AHR: variants seen among roughly 807,000 people sequenced by gnomAD.
AHR encodes aryl hydrocarbon receptor.
Under a neutral mutation model 86.8 loss-of-function variants are expected in AHR, and 40 were observed. The observed-to-expected ratio is 0.46, with a 90% CI of 0.36 to 0.60. The LOEUF (loss-of-function observed/expected upper bound fraction) is 0.60. Among genes scored for constraint, AHR ranks in the 20% least tolerant of loss-of-function variants. AHR has a pLI of 0.00. For missense variants in AHR, 1,001 were observed against 1,011.6 expected (o/e 0.99, Z 0.14); for synonymous variants, 398 against 354.9 (o/e 1.12, Z -1.37).
At chr7:17,305,124 C>T (rs547763400) in intron 1 of AHR, among the ~76,000 whole-genome samples, 1 of 152,238 alleles carries the variant, frequency 6.6e-6, no homozygotes, top group South Asian at 2.1e-4. Flanking sequence ...AGGGCAGCAG[C>T]AGGAGGGTGG....
chr7:17,331,851 A>G (rs1027545753), intron 6 of AHR, among the ~76,000 whole-genome samples: 1 of 152,010 alleles, frequency 6.6e-6, no homozygotes, highest in Admixed American at 6.6e-5. Flanking sequence ...CTTTTTGTGA[A>G]TAACAAGGAA....
At chr7:17,314,959 A>G (rs1279548557) in intron 2 of AHR, among the ~76,000 whole-genome samples, 1 of 152,044 alleles carries the variant, frequency 6.6e-6, no homozygotes, top group Non-Finnish European at 1.5e-5. Context: ...TATTTGTTGA[A>G]TTTGATTTAC....
At chr7:17,315,506 G>T (rs1466495501) in intron 2 of AHR, among the ~76,000 whole-genome samples, 1 of 151,836 alleles carries the variant, frequency 6.6e-6, no homozygotes, top group Non-Finnish European at 1.5e-5. Flanking sequence ...AGTCTTGCAT[G>T]GTTCTAGAAT....
chr7:17,300,125 C>G lies in AHR; in HGVS notation c.65+796C>G, dbSNP rs565853858. Reference sequence around the variant, plus strand: ...TTCTTTTCCCCTTCAAAGTTTTCTTCTAGTTGAGTGAGTACAAACTTGCTT... The same window carrying G: ...TTCTTTTCCCCTTCAAAGTTTTCTTGTAGTTGAGTGAGTACAAACTTGCTT... On this transcript the variant is annotated intron_variant, in intron 1 of 10. Transcript: ENST00000242057. Among the ~76,000 whole-genome samples, 4 of 152,204 alleles carry G rather than the reference C, an allele frequency of 2.6e-5. No individual in the cohort carries two copies. In the East Asian group the frequency reaches 7.7e-4, roughly 29 times the overall value.
rs1053648148 is a variant in AHR at position 17,343,896 on chromosome 7, T to C, written c.*832T>C. The stretch of plus-strand genomic sequence containing the variant: ...GTTGAAAAAATTTAAAAGTAAAATG[T>C]CTTTCCAAATTATTTCTTAATTATT... On this transcript the variant is annotated 3_prime_UTR_variant, in exon 11 of 11. Coordinates refer to ENST00000242057, the MANE Select transcript of AHR (RefSeq NM_001621.5). 8 of 152,562 alleles carry C rather than the reference T, an allele frequency of 5.2e-5. No homozygotes were observed. Among genetic ancestry groups the C allele is most frequent in the Non-Finnish European group, 1.0e-4 (7 of 67,990 alleles). 9.5% of individuals were successfully genotyped at this position (152,562 alleles called of 1,614,324 possible).
intron 6 of AHR, 147 bp downstream of exon 6, chr7:17,331,033 T>A: frequency 2.5e-6 from 2 of 790,518 alleles, no homozygotes; most frequent in Non-Finnish European, 3.8e-6. Context: ...AGAGCTCACT[T>A]AAAAACATGG....
intron 1 of AHR, 127 bp downstream of exon 1, chr7:17,299,456 T>A: frequency 3.7e-6 from 4 of 1,089,136 alleles, no homozygotes; most frequent in Non-Finnish European, 5.2e-6. Flanking sequence ...GCACTGCCCG[T>A]GGAATCGAGG....
chr7:17,318,465 CCTT>C (rs1395761085), intron 2 of AHR, among the ~76,000 whole-genome samples: 1 of 152,062 alleles, frequency 6.6e-6, no homozygotes, highest in Non-Finnish European at 1.5e-5. Flanking sequence ...TTGTACGACT[CCTT>C]CATAGATCTT....
Position 17,339,139 on chromosome 7 carries a change from A to C in AHR, c.1314A>C (p.Lys438Asn). The stretch of plus-strand genomic sequence containing the variant: ...GGACTAAAAATGGCACTAGTGGAAA[A>C]GACTCTGCTACCACATCCACTCTAA... ...PLRTKNGTSG[K>N]DSATTSTLSK... Residue 438 changes from lysine to asparagine, a missense_variant, in exon 10 of 11, where the codon AAA becomes AAC. Around this residue, in one of 2 missense-constraint regions of AHR, gnomAD observed 607 missense variants for 543.1 expected, o/e 1.12. Transcript: ENST00000242057. 6.8e-6 allele frequency: 11 copies of C among 1,614,184 alleles called. No individual in the cohort carries two copies. Among genetic ancestry groups the C allele is most frequent in the Non-Finnish European group, 9.3e-6 (11 of 1,180,030 alleles).
rs566325967 is a variant in AHR, at chr7:17,330,637, A to AT, written c.575-112dup. The AT allele has an allele frequency of 3.0e-4, 258 of 865,322 alleles. 4 individuals carry two copies. Among genetic ancestry groups the AT allele is most frequent in the Admixed American group, 2.8e-3 (84 of 29,734 alleles). The allele number at this position is 865,322 out of a possible 1,614,324, so 53.6% of individuals were successfully genotyped here. A position where few individuals can be genotyped will look rare whatever the true frequency, so the allele number is the denominator to read the frequency against. ...CTTGTCATTAGCTCTTTTGAAAATG[A>AT]TTTTTTTGTATTCAGAACACAGACT... On this transcript the variant is annotated intron_variant, in intron 5 of 10. Coordinates refer to ENST00000242057, the MANE Select transcript of AHR (RefSeq NM_001621.5).
In AHR at chr7:17,299,222, C is replaced by T. The variant is rs1020537775; in HGVS notation, c.-43C>T. On this transcript the variant is annotated 5_prime_UTR_variant, in exon 1 of 11. Transcript: ENST00000242057. Reference sequence around the variant, plus strand: ...CCTACACCGGGTTCCGGGGACCCGGCCGCCAGTGCCCGGGGAGTAGCCGCC... The same window carrying T: ...CCTACACCGGGTTCCGGGGACCCGGTCGCCAGTGCCCGGGGAGTAGCCGCC... The T allele has an allele frequency of 5.0e-6, 8 of 1,598,792 alleles. No individual in the cohort carries two copies. Among genetic ancestry groups the T allele is most frequent in the African/African-American group, 1.4e-5 (1 of 73,830 alleles).
Position 17,334,072 on chromosome 7 carries a change from C to T in AHR, c.866C>T (p.Thr289Ile). 1 of 1,613,392 alleles carries T rather than the reference C, an allele frequency of 6.2e-7. No homozygotes were observed. Among genetic ancestry groups the T allele is most frequent in the East Asian group, 2.2e-5 (1 of 44,856 alleles). Reference protein sequence around the residue: ...EIRTKNFIFRTKHKLDFTPIG... With the variant: ...EIRTKNFIFRIKHKLDFTPIG... ...CGGACCAAAAATTTTATCTTTAGAA[C>T]CAAACACAAACTAGACTTCACACCT... Residue 289 changes from threonine (T) to isoleucine (I), a missense_variant, in exon 7 of 11, where the codon ACC becomes ATC. Thr to Ile is a moderately conservative substitution (Grantham distance 89). Around this residue, in one of 2 missense-constraint regions of AHR, gnomAD observed 394 missense variants for 468.5 expected, o/e 0.84. Transcript: ENST00000242057.
chr7:17,310,241 T>C (rs1782048619), intron 2 of AHR, 118 bp downstream of exon 2: 1 of 997,038 alleles, frequency 1.0e-6, no homozygotes, highest in East Asian at 2.6e-5. Context: ...TTTATTGCTG[T>C]ATAGTAAAAT....
At chr7:17,308,780 C>A (rs1288367267) in intron 1 of AHR, among the ~76,000 whole-genome samples, 3 of 151,886 alleles carry the variant, frequency 2.0e-5, no homozygotes, top group African/African-American at 7.3e-5. Context: ...TACTTTTCAT[C>A]TTCTTTCTGC....
chr7:17,334,384 T>G (rs905630572), intron 7 of AHR, among the ~76,000 whole-genome samples: 1 of 152,032 alleles, frequency 6.6e-6, no homozygotes, highest in Non-Finnish European at 1.5e-5. Flanking sequence ...TTGGTTTGTT[T>G]TACATTTTTA....
rs76949450 is a variant in AHR, at chr7:17,299,096, G to A, written c.-169G>A. On this transcript the variant is annotated 5_prime_UTR_variant, in exon 1 of 11. Transcript: ENST00000242057. ...CGGGCTGCGGAAGCCTGCGTGAGCC[G>A]AGGCGTTGAGGCGCGGCGCCCACGC... 2.1e-4 allele frequency: 136 copies of A among 646,106 alleles called. No individual in the cohort carries two copies. The African/African-American group carries it at 2.4e-3, about 11-fold the overall frequency. 40.0% of individuals were successfully genotyped at this position (646,106 alleles called of 1,614,324 possible).
intron 2 of AHR, among the ~76,000 whole-genome samples, chr7:17,311,210 T>A (rs1269640074): frequency 6.6e-6 from 1 of 152,262 alleles, no homozygotes; most frequent in African/African-American, 2.4e-5. Flanking sequence ...AAATATCATA[T>A]AATTTTACTA....
Position 17,339,119 on chromosome 7 carries a change from A to G in AHR, c.1294A>G (p.Lys432Glu), listed in dbSNP as rs758534891. The change falls in exon 10 of 11, where the codon AAA (lysine) becomes GAA (glutamate). Residue 432 changes from lysine to glutamate, a missense_variant. Around this residue, in one of 2 missense-constraint regions of AHR, gnomAD observed 607 missense variants for 543.1 expected, o/e 1.12. Transcript: ENST00000242057. ...AIMDPLPLRTKNGTSGKDSAT... is the reference protein window; with the variant it reads ...AIMDPLPLRTENGTSGKDSAT... ...AATGGATCCCTTACCACTAAGGACT[A>G]AAAATGGCACTAGTGGAAAAGACTC... 1 of 1,614,144 alleles carries G rather than the reference A, an allele frequency of 6.2e-7. No homozygotes were observed. Among genetic ancestry groups the G allele is most frequent in the Non-Finnish European group, 8.5e-7 (1 of 1,180,016 alleles).
chr7:17,313,849 A>C (rs1169488841), intron 2 of AHR, among the ~76,000 whole-genome samples: 1 of 152,114 alleles, frequency 6.6e-6, no homozygotes, highest in Non-Finnish European at 1.5e-5. Flanking sequence ...GGGTGGTTAC[A>C]ATCTAATCTT....
Sources: allele counts gnomAD v4.1 joint callset (sites outside exome capture counted in the v4.1 genomes callset), GRCh38; gene constraint gnomAD v4.1.1; regional missense constraint gnomAD v4.1.1; transcripts MANE v1.5; gene names NCBI Gene and HGNC (gene_info 2026-07-23, HGNC 2026-07-21).